Variants in CD209 observed in about 807,000 individuals in gnomAD.
The protein encoded by CD209 is CD209 antigen.
A neutral mutation model predicts 44.7 loss-of-function variants in CD209; 31 were observed. The observed-to-expected ratio is 0.69, with a 90% confidence interval of 0.52 to 0.94. CD209 has a LOEUF of 0.94. Among genes scored for constraint, CD209 ranks in the 40% least tolerant of loss-of-function variants. The pLI, the probability that CD209 is intolerant of heterozygous loss-of-function variation, is 0.00. For missense variants in CD209, 407 were observed against 452.4 expected, an observed-to-expected ratio of 0.90 and a Z score of 0.91; for synonymous variants, 173 against 181.3, an observed-to-expected ratio of 0.95 and a Z score of 0.37.
rs548344631 is a variant in CD209 at position 7,740,393 on chromosome 19, G to A, written c.*2646C>T. The stretch of plus-strand genomic sequence containing the variant: ...TTGAACCAGATTGGGCTGAATCTGC[G>A]GTTACAATGTTTACCAGTTTATTAT... On this transcript the variant is annotated 3_prime_UTR_variant, in exon 7 of 7. Transcript: ENST00000315599. 1.5e-5 allele frequency: 9 copies of A among 587,218 alleles called. No individual in the cohort carries two copies. The highest frequency in any genetic ancestry group is 2.5e-5 in the Non-Finnish European group (8 of 320,364). 36.4% of individuals were successfully genotyped at this position (587,218 alleles called of 1,614,324 possible). A position where few individuals can be genotyped will look rare whatever the true frequency, so the allele number is the denominator to read the frequency against.
In CD209 at chr19:7,741,848, C is replaced by G; in HGVS notation, c.*1191G>C. ...AGGGGAGAGAGAGGGTGGGCCACCACGATGAATACTACAGGCTGCGGGGAA... is the reference window on the plus strand; with the variant it reads ...AGGGGAGAGAGAGGGTGGGCCACCAGGATGAATACTACAGGCTGCGGGGAA... On this transcript the variant is annotated 3_prime_UTR_variant, in exon 7 of 7. Coordinates refer to ENST00000315599, the MANE Select transcript of CD209 (RefSeq NM_021155.4). 2.1e-6 allele frequency: 1 copy of G among 477,674 alleles called. No homozygotes were observed. Among genetic ancestry groups the G allele is most frequent in the South Asian group, 1.8e-5 (1 of 56,406 alleles). The allele number at this position is 477,674 out of a possible 1,614,324, so 29.6% of individuals were successfully genotyped here.
rs1410047631 is a variant in CD209, at chr19:7,742,816, G to A, written c.*223C>T. 1.7e-6 allele frequency: 1 copy of A among 584,526 alleles called. No homozygotes were observed. The highest frequency in any genetic ancestry group is 1.9e-5 in the African/African-American group (1 of 53,556). 36.2% of individuals were successfully genotyped at this position (584,526 alleles called of 1,614,324 possible). A position where few individuals can be genotyped will look rare whatever the true frequency, so the allele number is the denominator to read the frequency against. Reference sequence around the variant, plus strand: ...GAGAGAGTGGATTCTTGGAACACAAGTCCACCCCCAAAGGCATCCCACACC... The same window carrying A: ...GAGAGAGTGGATTCTTGGAACACAAATCCACCCCCAAAGGCATCCCACACC... On this transcript the variant is annotated 3_prime_UTR_variant, in exon 7 of 7. Coordinates refer to ENST00000315599, the MANE Select transcript of CD209 (RefSeq NM_021155.4).
At chr19:7,746,772 A>G (rs2033846132) in intron 2 of CD209, among the ~76,000 whole-genome samples, 1 of 135,410 alleles carries the variant, frequency 7.4e-6, no homozygotes, top group South Asian at 2.4e-4. Flanking sequence ...CCCAGGACCC[A>G]GGAATCCAGG....
chr19:7,741,887 C>G lies in CD209; in HGVS notation c.*1152G>C, dbSNP rs1950504735. 1 of 451,758 alleles carries G rather than the reference C, an allele frequency of 2.2e-6. No homozygotes were observed. The highest frequency in any genetic ancestry group is 4.3e-6 in the Non-Finnish European group (1 of 230,618). 28.0% of individuals were successfully genotyped at this position (451,758 alleles called of 1,614,324 possible). ...GGCTGCGGGGAAGGAGAACCCTAGT[C>G]CAGACCATTCCTACAAAAGAAATGG... On this transcript the variant is annotated 3_prime_UTR_variant, in exon 7 of 7. Transcript: ENST00000315599.
Position 7,741,280 on chromosome 19 carries a change from G to A in CD209, c.*1759C>T, listed in dbSNP as rs1244109901. 2.3e-6 allele frequency: 1 copy of A among 428,734 alleles called. No individual in the cohort carries two copies. Among genetic ancestry groups the A allele is most frequent in the East Asian group, 4.8e-5 (1 of 20,692 alleles). 26.6% of individuals were successfully genotyped at this position (428,734 alleles called of 1,614,324 possible). A position where few individuals can be genotyped will look rare whatever the true frequency, so the allele number is the denominator to read the frequency against. ...AGGTCAAGAGATCGAGACCATCCTG[G>A]TCAACATGTTGAAACCCCGTCTCTA... On this transcript the variant is annotated 3_prime_UTR_variant, in exon 7 of 7. Transcript: ENST00000315599.
chr19:7,745,369 CTG>C, intron 4 of CD209, 147 bp downstream of exon 4: 1 of 1,470,432 alleles, frequency 6.8e-7, no homozygotes, highest in Non-Finnish European at 9.2e-7. Context: ...ACCTGGCCCA[CTG>C]TGAACACTGA....
chr19:7,745,143 C>A, intron 4 of CD209, 51 bp from the exon 5 acceptor site: 3 of 1,604,576 alleles, frequency 1.9e-6, no homozygotes, highest in South Asian at 2.2e-5. Context: ...TGTCCATATT[C>A]CTGTACCTGC....
Position 7,743,151 on chromosome 19 carries a change from T to G in CD209, c.1103A>C (p.Lys368Thr), listed in dbSNP as rs2033667945. Residue 368 changes from lysine (K) to threonine (T), a missense_variant, in exon 7 of 7, where the codon AAA becomes ACA. Coordinates refer to ENST00000315599, the MANE Select transcript of CD209 (RefSeq NM_021155.4). ...EFSGNGWNDD[K>T]CNLAKFWICK... ...GATCCAGAATTTGGCAAGATTACAT[T>G]TGTCGTCGTTCCAGCCATTGCCACT... 1 of 1,614,004 alleles carries G rather than the reference T, an allele frequency of 6.2e-7. No individual in the cohort carries two copies. Among genetic ancestry groups the G allele is most frequent in the Non-Finnish European group, 8.5e-7 (1 of 1,180,004 alleles).
At position 7,740,766 on chromosome 19, in the gene CD209, G is replaced by A. The variant is rs1475633181; in HGVS notation, c.*2273C>T. 6.6e-6 allele frequency: 5 copies of A among 761,168 alleles called. No individual in the cohort carries two copies. The highest frequency in any genetic ancestry group is 5.3e-5 in the Admixed American group (3 of 56,596). The allele number at this position is 761,168 out of a possible 1,614,324, so 47.2% of individuals were successfully genotyped here. A position where few individuals can be genotyped will look rare whatever the true frequency, so the allele number is the denominator to read the frequency against. Reference sequence around the variant, plus strand: ...GCAAGAACAAGAGCGAAAGTTAAAGGAACAATGGGAAGAACAGCAGAGGAA... The same window carrying A: ...GCAAGAACAAGAGCGAAAGTTAAAGAAACAATGGGAAGAACAGCAGAGGAA... On this transcript the variant is annotated 3_prime_UTR_variant, in exon 7 of 7. Coordinates refer to ENST00000315599, the MANE Select transcript of CD209 (RefSeq NM_021155.4).
In CD209 at chr19:7,743,051, G is replaced by A; in HGVS notation, c.1203C>T (p.Pro401=). ...GGGTGAAGTTCTGCTACGCAGGAGG[G>A]GGGTTTGGGGTGGCAGGGGCTGGAG... is the stretch of plus-strand genomic sequence containing the variant. The part of the protein sequence containing the change: ...FLSPAPATPN[P]PPA The change falls in exon 7 of 7, where the codon CCC becomes CCT. Residue 401 remains proline (P), a synonymous_variant. Coordinates refer to ENST00000315599, the MANE Select transcript of CD209 (RefSeq NM_021155.4). 1 of 1,612,986 alleles carries A rather than the reference G, an allele frequency of 6.2e-7. No individual in the cohort carries two copies.
chr19:7,746,185 G>A, intron 3 of CD209, 98 bp from the exon 4 acceptor site: 1 of 1,528,994 alleles, frequency 6.5e-7, no homozygotes, highest in Non-Finnish European at 8.9e-7. Flanking sequence ...GAGAGCCAAG[G>A]TCTTGGTTAA....
intron 2 of CD209, 124 bp from the exon 3 acceptor site, chr19:7,746,655 A>G (rs1446848137): frequency 1.1e-6 from 1 of 889,744 alleles, no homozygotes; most frequent in Non-Finnish European, 1.8e-6. Context: ...CCTCCACTCC[A>G]ACACCTGGGA....
chr19:7,740,293 A>G lies in CD209; in HGVS notation c.*2746T>C. On this transcript the variant is annotated 3_prime_UTR_variant, in exon 7 of 7. Coordinates refer to ENST00000315599, the MANE Select transcript of CD209 (RefSeq NM_021155.4). ...ATTTGCACGCTTCGTTCATCTGGAC[A>G]TGCCCAGGGTATGTAACTTGCAACC... 2.1e-6 allele frequency: 1 copy of G among 467,654 alleles called. No individual in the cohort carries two copies. Among genetic ancestry groups the G allele is most frequent in the Non-Finnish European group, 3.9e-6 (1 of 254,300 alleles). 29.0% of individuals were successfully genotyped at this position (467,654 alleles called of 1,614,324 possible).
Position 7,740,591 on chromosome 19 carries a change from AGAG to A in CD209, c.*2445_*2447del, listed in dbSNP as rs1254788577. ...TGAGGGACTCAGGACTCTCACAGAA[AGAG>A]GAGGACACTTTTATTGAAAAACAAC... is the stretch of plus-strand genomic sequence containing the variant. On this transcript the variant is annotated 3_prime_UTR_variant, in exon 7 of 7. Transcript: ENST00000315599. The A allele has an allele frequency of 1.2e-6, 1 of 830,502 alleles. No individual in the cohort carries two copies. Among genetic ancestry groups the A allele is most frequent in the African/African-American group, 1.7e-5 (1 of 59,796 alleles). 51.4% of individuals were successfully genotyped at this position (830,502 alleles called of 1,614,324 possible). A position where few individuals can be genotyped will look rare whatever the true frequency, so the allele number is the denominator to read the frequency against.
At chr19:7,743,276 CG>C in intron 6 of CD209, 36 bp from the exon 7 acceptor site, 3 of 1,568,644 alleles carry the variant, frequency 1.9e-6, no homozygotes, top group Non-Finnish European at 2.6e-6. Flanking sequence ...CCTCTGTCCC[CG>C]CCAGCTACAT....
chr19:7,745,854 G>A lies in CD209; in HGVS notation c.412C>T (p.Pro138Ser). 6 of 1,611,128 alleles carry A rather than the reference G, an allele frequency of 3.7e-6. No individual in the cohort carries two copies. Among genetic ancestry groups the A allele is most frequent in the Non-Finnish European group, 5.1e-6 (6 of 1,179,648 alleles). The change falls in exon 4 of 7, where the codon CCA (proline) becomes TCA (serine). Residue 138 changes from proline to serine, a missense_variant. By Grantham distance (74) the Pro-to-Ser change is moderately conservative. Around this residue, in one of 3 missense-constraint regions of CD209, gnomAD observed 85 missense variants for 139.9 expected, o/e 0.61. Transcript: ENST00000315599. ...TRLKAAVGEL[P>S]EKSKLQEIYQ... is the part of the protein sequence containing the mutation. ...ATCTCCTGCAGCTTAGATTTCTCTG[G>A]AAGCTCACCCACTGCAGCCTTCAGC...
chr19:7,746,545 C>T lies in CD209; in HGVS notation c.107-14G>A, dbSNP rs758280744. The T allele has an allele frequency of 1.2e-6, 2 of 1,613,220 alleles. No individual in the cohort carries two copies. The highest frequency in any genetic ancestry group is 1.7e-6 in the Non-Finnish European group (2 of 1,179,308). On this transcript the variant is annotated splice_polypyrimidine_tract_variant and intron_variant, in intron 2 of 6. Transcript: ENST00000315599. ...GGCCAAGACACCCTGAGAGAGGATA[C>T]ATGCGTCAGCCTGCCAGTGTCCCCA...
In CD209 at chr19:7,745,589, A is replaced by G. The variant is rs1409228633; in HGVS notation, c.677T>C (p.Val226Ala). 2.0e-6 allele frequency: 3 copies of G among 1,497,934 alleles called. No homozygotes were observed. In the African/African-American group the frequency reaches 4.2e-5, roughly 21 times the overall value. 92.8% of individuals were successfully genotyped at this position (1,497,934 alleles called of 1,614,324 possible). The change falls in exon 4 of 7, where the codon GTG (valine) becomes GCG (alanine). Residue 226 changes from valine to alanine, a missense_variant. By Grantham distance (64) the Val-to-Ala change is moderately conservative. Coordinates refer to ENST00000315599, the MANE Select transcript of CD209 (RefSeq NM_021155.4). Reference protein sequence around the residue: ...YQELTRLKAAVGELPEKSKQQ... With the variant: ...YQELTRLKAAAGELPEKSKQQ... ...CTTAGATTTCTCTGGAAGCTCACCC[A>G]CTGCAGCCTTCAGCCGGGTCAGCTC...
At chr19:7,746,565 T>TCCCCACC in intron 2 of CD209, 34 bp from the exon 3 acceptor site, 1 of 1,607,238 alleles carries the variant, frequency 6.2e-7, no homozygotes, top group Admixed American at 1.7e-5. Flanking sequence ...CCTGCCAGTG[T>TCCCCACC]CCCCACCGGA....
Sources: gnomAD v4.1 joint callset for allele counts (sites outside exome capture counted in the v4.1 genomes callset) on GRCh38, gnomAD v4.1.1 for gene constraint, gnomAD v4.1.1 regional missense constraint, MANE v1.5 for transcripts, NCBI Gene and HGNC (gene_info 2026-07-23, HGNC 2026-07-21) for gene names.